TRAF3IP1: variants seen among roughly 807,000 people sequenced by gnomAD.
The protein encoded by TRAF3IP1 is TRAF3-interacting protein 1.
TRAF3IP1 carries 53 observed loss-of-function variants against 89.9 expected under a neutral mutation model. The ratio of observed to expected loss-of-function variants is 0.59; its 90% CI spans 0.47 to 0.74. The LOEUF (loss-of-function observed/expected upper bound fraction) is 0.74, where lower values mean the gene tolerates loss of function less well. TRAF3IP1 is among the 30% of genes least tolerant of loss of function. The pLI, the probability that TRAF3IP1 is intolerant of heterozygous loss-of-function variation, is 0.00. For synonymous variants in TRAF3IP1, 311 were observed against 322.1 expected, an observed-to-expected ratio of 0.97 and a Z score of 0.37; for missense variants, 806 against 866.1, an observed-to-expected ratio of 0.93 and a Z score of 0.87.
intron 7 of TRAF3IP1, among the ~76,000 whole-genome samples, chr2:238,336,241 G>C (rs1273304226): frequency 6.6e-6 from 1 of 152,118 alleles, no homozygotes; most frequent in Non-Finnish European, 1.5e-5. Flanking sequence ...TCTTTTGTAT[G>C]GTCTTAAGAG....
chr2:238,331,160 A>G (rs775648459), intron 5 of TRAF3IP1, among the ~76,000 whole-genome samples: 9 of 152,024 alleles, frequency 5.9e-5, no homozygotes, highest in Non-Finnish European at 8.8e-5. Context: ...AACCATTCCA[A>G]AGAAATTCTT....
intron 9 of TRAF3IP1, 26 bp downstream of exon 9, chr2:238,344,624 T>A (rs754129130): frequency 6.3e-7 from 1 of 1,599,430 alleles, no homozygotes. Context: ...TTTCGCCCTT[T>A]CCTGGCGAGA....
intron 7 of TRAF3IP1, among the ~76,000 whole-genome samples, chr2:238,335,261 A>G (rs751752841): frequency 6.0e-5 from 9 of 151,088 alleles, no homozygotes; most frequent in Non-Finnish European, 1.0e-4. Context: ...TTTATCATAC[A>G]TTTTTTTTTA....
At chr2:238,325,166 A>T (rs1697758816) in intron 1 of TRAF3IP1, 140 bp from the exon 2 acceptor site, 1 of 814,350 alleles carries the variant, frequency 1.2e-6, no homozygotes, top group East Asian at 2.5e-5. Context: ...TGTAGTAGAC[A>T]TCAAATATTT....
intron 15 of TRAF3IP1, among the ~76,000 whole-genome samples, chr2:238,358,607 A>C (rs754230911): frequency 2.6e-5 from 4 of 152,192 alleles, no homozygotes; most frequent in Non-Finnish European, 4.4e-5. Flanking sequence ...GGCAGTCCCC[A>C]GGATGAACTT....
At chr2:238,356,657 T>A (rs971802153) in intron 15 of TRAF3IP1, among the ~76,000 whole-genome samples, 1 of 152,148 alleles carries the variant, frequency 6.6e-6, no homozygotes, top group South Asian at 2.1e-4. Flanking sequence ...CAAAGGCCTG[T>A]TGGGCTCTGA....
At chr2:238,362,751 A>G (rs1699716905) in intron 15 of TRAF3IP1, among the ~76,000 whole-genome samples, 1 of 152,240 alleles carries the variant, frequency 6.6e-6, no homozygotes, top group African/African-American at 2.4e-5. Context: ...GAACGTGTCA[A>G]ATTTTCTCAG....
In TRAF3IP1 at chr2:238,320,524, T is replaced by G; in HGVS notation, c.-139T>G. On this transcript the variant is annotated 5_prime_UTR_variant, in exon 1 of 17. Coordinates refer to ENST00000373327, the MANE Select transcript of TRAF3IP1 (RefSeq NM_015650.4). ...CGCTGTGGTGGGCTCCGGTGCACTG[T>G]GGGATGGAAACCGGAGCGGCGCGTC... The G allele has an allele frequency of 1.0e-6, 1 of 998,660 alleles. No homozygotes were observed. Among genetic ancestry groups the G allele is most frequent in the Non-Finnish European group, 1.2e-6 (1 of 834,508 alleles). The allele number at this position is 998,660 out of a possible 1,614,324, so 61.9% of individuals were successfully genotyped here.
intron 15 of TRAF3IP1, among the ~76,000 whole-genome samples, chr2:238,367,598 C>T (rs1262720980): frequency 6.6e-6 from 1 of 152,200 alleles, no homozygotes; most frequent in Non-Finnish European, 1.5e-5. Flanking sequence ...TGAGCTTTCT[C>T]AGAGAGACTG....
At chr2:238,356,261 C>A (rs1366162426) in intron 15 of TRAF3IP1, among the ~76,000 whole-genome samples, 181 bp downstream of exon 15, 2 of 152,206 alleles carry the variant, frequency 1.3e-5, no homozygotes, top group Non-Finnish European at 2.9e-5. Context: ...CCTTGGGAGG[C>A]CAGCGCAGAC....
intron 15 of TRAF3IP1, among the ~76,000 whole-genome samples, chr2:238,375,042 A>C (rs1478567528): frequency 6.6e-6 from 1 of 152,048 alleles, no homozygotes; most frequent in African/African-American, 2.4e-5. Context: ...TAGTCTTGCT[A>C]GCGGTCTATC....
chr2:238,353,573 A>G (rs1699271317), intron 14 of TRAF3IP1, among the ~76,000 whole-genome samples: 2 of 152,140 alleles, frequency 1.3e-5, no homozygotes, highest in African/African-American at 4.8e-5. Context: ...TTCTAGCTGG[A>G]CAACTCAGTA....
intron 15 of TRAF3IP1, among the ~76,000 whole-genome samples, chr2:238,382,570 A>T (rs182119866): frequency 2.5e-3 from 378 of 151,966 alleles, no homozygotes; most frequent in African/African-American, 7.7e-3. Flanking sequence ...GATGAGGGAC[A>T]TGTGGATGTC....
chr2:238,322,330 C>G (rs1697591578), intron 1 of TRAF3IP1, among the ~76,000 whole-genome samples: 1 of 152,196 alleles, frequency 6.6e-6, no homozygotes, highest in African/African-American at 2.4e-5. Context: ...AGTGATGGCG[C>G]TCAGCTCACG....
chr2:238,357,897 A>G (rs1266974029), intron 15 of TRAF3IP1, among the ~76,000 whole-genome samples: 1 of 152,166 alleles, frequency 6.6e-6, no homozygotes, highest in East Asian at 1.9e-4. Flanking sequence ...TCAGATTGGT[A>G]AATCTTTGGG....
Position 238,351,387 on chromosome 2 carries a change from T to A in TRAF3IP1, c.1452-1440T>A, listed in dbSNP as rs929130597. 1.4e-5 allele frequency among the ~76,000 whole-genome samples: 2 copies of A among 143,974 alleles called. No individual in the cohort carries two copies. Among genetic ancestry groups the A allele is most frequent in the Non-Finnish European group, 3.0e-5 (2 of 66,168 alleles). The allele number at this position is 143,974 out of a possible 152,430, so 94.5% of individuals were successfully genotyped here. On this transcript the variant is annotated intron_variant, in intron 12 of 16. Transcript: ENST00000373327. This position sits in a 1 kb window ranked among gnomAD's most constrained non-coding sequence, Gnocchi z 5.2. Reference sequence around the variant, plus strand: ...TAAAGTTGGCAGTTTTTAGGGAGAGTGATCTGGAAGCCGAAGCAAGCATAA... The same window carrying A: ...TAAAGTTGGCAGTTTTTAGGGAGAGAGATCTGGAAGCCGAAGCAAGCATAA...
chr2:238,333,928 A>G, intron 6 of TRAF3IP1, 32 bp from the exon 7 acceptor site: 1 of 1,537,488 alleles, frequency 6.5e-7, no homozygotes, highest in Non-Finnish European at 8.9e-7. Context: ...GTAATACATC[A>G]ATTAATTTCT....
intron 3 of TRAF3IP1, 50 bp from the exon 4 acceptor site, chr2:238,328,636 G>A: frequency 1.3e-6 from 2 of 1,587,376 alleles, no homozygotes; most frequent in Non-Finnish European, 8.6e-7. Context: ...TGTTACGTGT[G>A]CGGATCTCAT....
At chr2:238,324,357 T>A (rs1016846186) in intron 1 of TRAF3IP1, among the ~76,000 whole-genome samples, 1 of 151,818 alleles carries the variant, frequency 6.6e-6, no homozygotes, top group African/African-American at 2.4e-5. Context: ...TGTAAGCCAC[T>A]GTGCCCAGCC....
Sources: gnomAD v4.1 joint callset for allele counts (sites outside exome capture counted in the v4.1 genomes callset) on GRCh38, gnomAD v4.1.1 for gene constraint, Gnocchi (gnomAD v3.1) non-coding constraint, MANE v1.5 for transcripts, NCBI Gene and HGNC (gene_info 2026-07-23, HGNC 2026-07-21) for gene names.